Variants in ATP10A observed in about 807,000 individuals in gnomAD.
The protein encoded by ATP10A is ATPase phospholipid transporting 10A (putative), also known as phospholipid-transporting ATPase VA.
Under a neutral mutation model 147.8 loss-of-function variants are expected in ATP10A, and 111 were observed. That is an observed-to-expected ratio of 0.75 (90% CI 0.64 to 0.88). The LOEUF (loss-of-function observed/expected upper bound fraction) is 0.88, where lower values mean the gene tolerates loss of function less well. Among genes scored for constraint, ATP10A ranks in the 40% least tolerant of loss-of-function variants. The pLI is 0.00. For synonymous variants in ATP10A, 875 were observed against 841.6 expected (o/e 1.04, Z -0.69); for missense variants, 1,927 against 1,959.0 (o/e 0.98, Z 0.31).
intron 1 of ATP10A, among the ~76,000 whole-genome samples, chr15:25,804,495 G>C (rs550822783): frequency 1.4e-3 from 207 of 146,340 alleles, no homozygotes; most frequent in Non-Finnish European, 2.4e-3. Context: ...GTGTGTGTCT[G>C]TGTGTGTGTG....
chr15:25,786,910 C>T (rs1319493075), intron 1 of ATP10A, among the ~76,000 whole-genome samples: 1 of 151,604 alleles, frequency 6.6e-6, no homozygotes, highest in African/African-American at 2.4e-5. Context: ...GCTGGGATTA[C>T]AGGTGTGAGC....
At chr15:25,686,149 G>A (rs1261058322) in intron 16 of ATP10A, among the ~76,000 whole-genome samples, 1 of 152,142 alleles carries the variant, frequency 6.6e-6, no homozygotes, top group African/African-American at 2.4e-5. Flanking sequence ...TGCCCTGACT[G>A]GATCTGAGCA....
intron 10 of ATP10A, chr15:25,710,722 T>C (rs1901357101): frequency 6.6e-6 from 1 of 152,132 alleles, no homozygotes; most frequent in African/African-American, 2.4e-5. Flanking sequence ...CATATACTGA[T>C]TACTGCATGG....
intron 3 of ATP10A, among the ~76,000 whole-genome samples, chr15:25,735,161 G>A (rs929910940): frequency 2.0e-5 from 3 of 152,152 alleles, no homozygotes; most frequent in Non-Finnish European, 2.9e-5. Flanking sequence ...CTGAGCCCAC[G>A]GGAGGTGGCT....
Position 25,863,001 on chromosome 15 carries a change from C to A in ATP10A, c.96G>T (p.Leu32=). The change falls in exon 1 of 21, where the codon CTG becomes CTT. Residue 32 remains leucine (L), a synonymous_variant. Coordinates refer to ENST00000555815, the MANE Select transcript of ATP10A (RefSeq NM_024490.4). ...CAGGGTCCTCGGCGCCCGGGGGCGG[C>A]AGCAGGTTGGAGCGCACCGTGCGCG... is the stretch of plus-strand genomic sequence containing the variant. ...GRTRTVRSNL[L]PPPGAEDPAA... is the part of the protein sequence containing the mutation. The A allele has an allele frequency of 1.4e-6, 2 of 1,408,056 alleles. No individual in the cohort carries two copies. Among genetic ancestry groups the A allele is most frequent in the Non-Finnish European group, 1.8e-6 (2 of 1,091,328 alleles). 87.2% of individuals were successfully genotyped at this position (1,408,056 alleles called of 1,614,324 possible).
intron 2 of ATP10A, among the ~76,000 whole-genome samples, chr15:25,779,444 G>A (rs1168546312): frequency 6.6e-6 from 1 of 152,186 alleles, no homozygotes; most frequent in East Asian, 1.9e-4. Context: ...GAACTGAGAG[G>A]GGATGCTGTC....
At chr15:25,857,955 T>C (rs1893586462) in intron 1 of ATP10A, among the ~76,000 whole-genome samples, 1 of 141,896 alleles carries the variant, frequency 7.0e-6, no homozygotes, top group African/African-American at 2.5e-5. Flanking sequence ...TATAGAACAT[T>C]TGGCTCATAT....
chr15:25,725,958 T>C lies in ATP10A; in HGVS notation c.972A>G (p.Ser324=). The change falls in exon 5 of 21, where the codon TCA becomes TCG. Residue 324 remains serine (S), a synonymous_variant. Transcript: ENST00000555815. ...TCCATCTAGGAGACTTACCGACTGC[T>C]GAAAACAGAGACATGCAAACAAGGA... The part of the protein sequence containing the change: ...VLLLVCMSLF[S]AVGHGLWIWR... 2 of 1,613,306 alleles carry C rather than the reference T, an allele frequency of 1.2e-6. No individual in the cohort carries two copies. The highest frequency in any genetic ancestry group is 2.2e-5 in the South Asian group (2 of 91,028).
intron 2 of ATP10A, among the ~76,000 whole-genome samples, chr15:25,772,288 G>A (rs1889378252): frequency 6.6e-6 from 1 of 152,008 alleles, no homozygotes; most frequent in Non-Finnish European, 1.5e-5. Context: ...TCCTCCGAAC[G>A]TCCCCCACCC....
Position 25,863,246 on chromosome 15 carries a change from G to T in ATP10A, c.-150C>A. The T allele has an allele frequency of 2.8e-6, 1 of 362,498 alleles. No homozygotes were observed. Among genetic ancestry groups the T allele is most frequent in the Non-Finnish European group, 3.9e-6 (1 of 253,558 alleles). The allele number at this position is 362,498 out of a possible 1,614,324, so 22.5% of individuals were successfully genotyped here. A position where few individuals can be genotyped will look rare whatever the true frequency, so the allele number is the denominator to read the frequency against. ...CCGCGGTCAGCGCGCCGCCTGGCCG[G>T]CCCAGCGCGCCCAGCCCGCGCCCAG... is the stretch of plus-strand genomic sequence containing the variant. On this transcript the variant is annotated 5_prime_UTR_variant, in exon 1 of 21. Coordinates refer to ENST00000555815, the MANE Select transcript of ATP10A (RefSeq NM_024490.4).
At position 25,862,897 on chromosome 15, in the gene ATP10A, G is replaced by C; in HGVS notation, c.200C>G (p.Thr67Ser). 1 of 1,611,552 alleles carries C rather than the reference G, an allele frequency of 6.2e-7. No individual in the cohort carries two copies. The highest frequency in any genetic ancestry group is 8.5e-7 in the Non-Finnish European group (1 of 1,179,268). The part of the protein sequence containing the change: ...QHLADNRLKT[T>S]KYTLLSFLPK... The stretch of plus-strand genomic sequence containing the variant: ...CAGGAAGGACAGCAGCGTGTACTTG[G>C]TAGTCTTGAGCCGGTTGTCGGCCAG... Residue 67 changes from threonine to serine, a missense_variant, in exon 1 of 21, where the codon ACC becomes AGC. By Grantham distance (58) the Thr-to-Ser change is moderately conservative. Coordinates refer to ENST00000555815, the MANE Select transcript of ATP10A (RefSeq NM_024490.4).
intron 1 of ATP10A, among the ~76,000 whole-genome samples, chr15:25,802,610 T>G (rs138446141): frequency 6.6e-6 from 1 of 152,176 alleles, no homozygotes; most frequent in Non-Finnish European, 1.5e-5. Flanking sequence ...GCGGAGAGTA[T>G]GCTTCCCTGC....
At chr15:25,779,749 A>G (rs185671181) in intron 2 of ATP10A, among the ~76,000 whole-genome samples, 1 of 152,328 alleles carries the variant, frequency 6.6e-6, no homozygotes, top group Admixed American at 6.5e-5. Context: ...TAACAACAAC[A>G]AAAAATACTA....
chr15:25,789,152 G>C (rs1567385699), intron 1 of ATP10A, among the ~76,000 whole-genome samples: 1 of 152,108 alleles, frequency 6.6e-6, no homozygotes, highest in African/African-American at 2.4e-5. Flanking sequence ...TGTAGAGATG[G>C]GGTTTCACCA....
At chr15:25,718,530 C>A in intron 7 of ATP10A, 131 bp from the exon 8 acceptor site, 2 of 898,012 alleles carry the variant, frequency 2.2e-6, no homozygotes, top group Non-Finnish European at 3.4e-6. Flanking sequence ...CACCCTTGCT[C>A]TCTAATAGCA....
intron 2 of ATP10A, among the ~76,000 whole-genome samples, chr15:25,755,413 C>A (rs1888361583): frequency 6.6e-6 from 1 of 152,112 alleles, no homozygotes; most frequent in African/African-American, 2.4e-5. Flanking sequence ...TACTTATGGG[C>A]CAGGCAATGC....
intron 1 of ATP10A, among the ~76,000 whole-genome samples, chr15:25,803,140 G>C (rs921394140): frequency 6.6e-6 from 1 of 152,130 alleles, no homozygotes. Context: ...TAGCAATCTC[G>C]GCACCTGCGA....
chr15:25,713,778 T>C lies in ATP10A; in HGVS notation c.2240A>G (p.Lys747Arg), dbSNP rs1194815560. 5 of 1,614,112 alleles carry C rather than the reference T, an allele frequency of 3.1e-6. No homozygotes were observed. The highest frequency in any genetic ancestry group is 4.2e-6 in the Non-Finnish European group (5 of 1,180,028). The change falls in exon 10 of 21, where the codon AAG (lysine) becomes AGG (arginine). Residue 747 changes from lysine (K) to arginine (R), a missense_variant. Lys to Arg is a conservative substitution (Grantham distance 26). Coordinates refer to ENST00000555815, the MANE Select transcript of ATP10A (RefSeq NM_024490.4). Reference sequence around the variant, plus strand: ...GTGCCGGATCACCACTGACATCCTCTTGCGGACGGAATCGAAACCCAGTGT... The same window carrying C: ...GTGCCGGATCACCACTGACATCCTCCTGCGGACGGAATCGAAACCCAGTGT... ...LHTLGFDSVRKRMSVVIRHPL... is the reference protein window; with the variant it reads ...LHTLGFDSVRRRMSVVIRHPL...
At chr15:25,828,482 A>C (rs1803009656) in intron 1 of ATP10A, among the ~76,000 whole-genome samples, 4 of 152,232 alleles carry the variant, frequency 2.6e-5, no homozygotes, top group Admixed American at 2.6e-4. Context: ...TCAATAACTG[A>C]AGCAAATTTG....
Sources: gnomAD v4.1 joint callset for allele counts (sites outside exome capture counted in the v4.1 genomes callset) on GRCh38, gnomAD v4.1.1 for gene constraint, MANE v1.5 for transcripts, NCBI Gene and HGNC (gene_info 2026-07-23, HGNC 2026-07-21) for gene names.